The following ATIC variants were observed in gnomAD, a reference collection of about 807,000 sequenced individuals.
ATIC encodes 5-aminoimidazole-4-carboxamide ribonucleotide formyltransferase/IMP cyclohydrolase, also known as bifunctional purine biosynthesis protein ATIC.
Under a neutral mutation model 72.5 loss-of-function variants are expected in ATIC, and 64 were observed. The observed-to-expected ratio is 0.88, with a 90% CI of 0.72 to 1.09. The LOEUF (loss-of-function observed/expected upper bound fraction) is 1.09, where lower values mean the gene tolerates loss of function less well. Ranked by LOEUF, ATIC falls within the 50% of genes least tolerant of loss-of-function variation. The pLI is 0.00. For synonymous variants in ATIC, 281 were observed against 267.1 expected (o/e 1.05, Z -0.51); for missense variants, 787 against 732.4 (o/e 1.07, Z -0.86).
At chr2:215,361,991 C>T in the ATIC span, 2 of 1,613,354 alleles carry the variant, frequency 1.2e-6, no homozygotes, top group Middle Eastern at 1.7e-4. Context: ...CTGATGGTAT[C>T]TCTGAGAATA....
the ATIC span, chr2:215,363,581 A>G: frequency 3.9e-5 from 6 of 152,242 alleles, no homozygotes; most frequent in Admixed American, 3.3e-4. Flanking sequence ...AATTTTCCCA[A>G]AGACTATTTT....
intron 1 of ATIC, 109 bp downstream of exon 1, chr2:215,312,270 A>G: frequency 4.8e-6 from 7 of 1,447,702 alleles, no homozygotes; most frequent in Non-Finnish European, 5.4e-6. Context: ...GCGCTGCGGG[A>G]TTGAAAGCCA....
At chr2:215,325,420 TAGAA>T (rs992092808) in intron 5 of ATIC, 91 bp downstream of exon 5, 203 of 966,638 alleles carry the variant, frequency 2.1e-4, no homozygotes, top group Admixed American at 5.7e-4. Context: ...ACTGAGGAAA[TAGAA>T]AGAAAATAGC....
At chr2:215,359,084 A>G in the ATIC span, among the ~76,000 whole-genome samples, 8 of 152,130 alleles carry the variant, frequency 5.3e-5, no homozygotes, top group African/African-American at 1.9e-4. Context: ...GGGTCTCGCT[A>G]TGTTACCCAG....
At position 215,318,149 on chromosome 2, in the gene ATIC, T is replaced by C. The variant is rs757062929; in HGVS notation, c.147-8T>C. 3 of 1,612,972 alleles carry C rather than the reference T, an allele frequency of 1.9e-6. No individual in the cohort carries two copies. The highest frequency in any genetic ancestry group is 1.7e-5 in the Admixed American group (1 of 60,030). On this transcript the variant is annotated splice_polypyrimidine_tract_variant and splice_region_variant and intron_variant, in intron 2 of 15. Transcript: ENST00000236959. Reference sequence around the variant, plus strand: ...CCAGTAGTACCATTCTGTTTATCTGTTTTTCAGAGATGTCTCTGAGTTGAC... The same window carrying C: ...CCAGTAGTACCATTCTGTTTATCTGCTTTTCAGAGATGTCTCTGAGTTGAC...
At chr2:215,339,019 C>T (rs572121954) in intron 12 of ATIC, 112 bp downstream of exon 12, 3 of 1,403,112 alleles carry the variant, frequency 2.1e-6, no homozygotes, top group South Asian at 2.3e-5. Flanking sequence ...TCTGTATGCA[C>T]ACGGCTAGCT....
At chr2:215,341,906 C>T (rs1358426883) in intron 12 of ATIC, among the ~76,000 whole-genome samples, 1 of 152,060 alleles carries the variant, frequency 6.6e-6, no homozygotes, top group Non-Finnish European at 1.5e-5. Flanking sequence ...CTCACAGTTC[C>T]ACACGGTTGG....
chr2:215,349,020 G>T (rs1191412575), intron 14 of ATIC, 74 bp from the exon 15 acceptor site: 1 of 1,487,706 alleles, frequency 6.7e-7, no homozygotes, highest in East Asian at 2.3e-5. Flanking sequence ...GTGCTTTCTG[G>T]CATGGTGATT....
chr2:215,342,661 G>A (rs994385631), intron 12 of ATIC, among the ~76,000 whole-genome samples: 6 of 152,050 alleles, frequency 3.9e-5, no homozygotes, highest in African/African-American at 1.4e-4. Context: ...TACAGTTTTT[G>A]TGTGTTTGTG....
intron 12 of ATIC, among the ~76,000 whole-genome samples, chr2:215,344,407 G>C (rs2053050566): frequency 6.6e-6 from 1 of 152,098 alleles, no homozygotes; most frequent in Non-Finnish European, 1.5e-5. Flanking sequence ...CTTAAAGTTG[G>C]CCAGGTGTGG....
chr2:215,321,491 T>C (rs1271330007), intron 4 of ATIC, among the ~76,000 whole-genome samples: 2 of 152,252 alleles, frequency 1.3e-5, no homozygotes, highest in Admixed American at 1.3e-4. Flanking sequence ...CATTGGGGTA[T>C]ATACCTAGGA....
At chr2:215,330,512 A>T (rs943065611) in intron 7 of ATIC, among the ~76,000 whole-genome samples, 1 of 152,182 alleles carries the variant, frequency 6.6e-6, no homozygotes, top group Non-Finnish European at 1.5e-5. Flanking sequence ...ATTCATTATT[A>T]ACCAAGGTTC....
At chr2:215,363,654 G>A in the ATIC span, 1 of 152,152 alleles carries the variant, frequency 6.6e-6, no homozygotes, top group Non-Finnish European at 1.5e-5. Context: ...ATTAACCAAT[G>A]AGTCTCACCC....
the ATIC span, chr2:215,367,742 T>C: frequency 1.0e-6 from 1 of 964,972 alleles, no homozygotes; most frequent in Non-Finnish European, 1.6e-6. Flanking sequence ...AACAGTATTC[T>C]CTTGTTTGCT....
intron 4 of ATIC, among the ~76,000 whole-genome samples, chr2:215,320,894 A>G (rs1026711560): frequency 2.0e-5 from 3 of 152,092 alleles, no homozygotes; most frequent in African/African-American, 7.2e-5. Context: ...CGGCTCTGTT[A>G]AACAACCAGC....
intron 2 of ATIC, among the ~76,000 whole-genome samples, chr2:215,314,843 C>T (rs961026438): frequency 5.9e-5 from 9 of 152,050 alleles, no homozygotes; most frequent in Non-Finnish European, 1.2e-4. Flanking sequence ...CCATCGTAAA[C>T]GTCACGGCCA....
In ATIC at chr2:215,346,955, C is replaced by T. The variant is rs372201880; in HGVS notation, c.1503+14C>T. On this transcript the variant is annotated intron_variant, in intron 14 of 15. Coordinates refer to ENST00000236959, the MANE Select transcript of ATIC (RefSeq NM_004044.7). ...ACCATTGGCGAGGTGAAAGACTTGG[C>T]ATTGGGTTCTCGGCTGTGTTAATAT... 2.9e-5 allele frequency: 46 copies of T among 1,613,960 alleles called. No homozygotes were observed. The African/African-American group carries it at 5.6e-4, about 20-fold the overall frequency.
chr2:215,328,121 A>T (rs1459776565), intron 7 of ATIC, among the ~76,000 whole-genome samples: 2 of 151,800 alleles, frequency 1.3e-5, no homozygotes, highest in Admixed American at 1.3e-4. Flanking sequence ...TTATCTGCCT[A>T]TCTCAGCCTC....
intron 4 of ATIC, among the ~76,000 whole-genome samples, chr2:215,323,712 A>G (rs1175285510): frequency 2.6e-5 from 4 of 152,134 alleles, no homozygotes; most frequent in African/African-American, 9.7e-5. Flanking sequence ...TTCTTTGCTA[A>G]TTGCTCTGGC....
Sources: gnomAD v4.1 joint callset for allele counts (sites outside exome capture counted in the v4.1 genomes callset) on GRCh38, gnomAD v4.1.1 for gene constraint, MANE v1.5 for transcripts, NCBI Gene and HGNC (gene_info 2026-07-23, HGNC 2026-07-21) for gene names.